Variants in FAM193B observed in about 807,000 individuals in gnomAD.
FAM193B encodes the protein protein FAM193B.
A neutral mutation model predicts 70.7 loss-of-function variants in FAM193B; 27 were observed. That is an observed-to-expected ratio of 0.38 (90% CI 0.28 to 0.53). FAM193B has a LOEUF of 0.53. Among genes scored for constraint, FAM193B ranks in the 20% least tolerant of loss-of-function variants. The pLI is 0.81. For synonymous variants in FAM193B, 448 were observed against 436.0 expected (o/e 1.03, Z -0.34); for missense variants, 1,022 against 1,072.5 (o/e 0.95, Z 0.66).
At chr5:177,521,318 T>C (rs1761699779) in intron 8 of FAM193B, among the ~76,000 whole-genome samples, 1 of 152,216 alleles carries the variant, frequency 6.6e-6, no homozygotes. Context: ...CATCATCTGG[T>C]ACATCATTGT....
chr5:177,544,726 A>G (rs1765213271), intron 1 of FAM193B, among the ~76,000 whole-genome samples: 1 of 152,246 alleles, frequency 6.6e-6, no homozygotes, highest in South Asian at 2.1e-4. Flanking sequence ...AGATGTGCAA[A>G]ATCCAGTGAG....
At position 177,540,182 on chromosome 5, in the gene FAM193B, C is replaced by CTG. The variant is rs1764674066; in HGVS notation, c.211-1037_211-1036dup. Among the ~76,000 whole-genome samples the CTG allele has an allele frequency of 1.3e-5, 2 of 151,924 alleles. 1 individual carries two copies. The highest frequency in any genetic ancestry group is 1.3e-4 in the Admixed American group (2 of 15,254). On this transcript the variant is annotated intron_variant, in intron 1 of 8. Transcript: ENST00000514747. ...ATTAGCTGGGCATGGTGGCAAGCACCTGTAGTCCCAGCTACTCGGGAGGCT... is the reference window on the plus strand; with the variant it reads ...ATTAGCTGGGCATGGTGGCAAGCACCTGTGTAGTCCCAGCTACTCGGGAGGCT...
chr5:177,531,692 G>A, intron 5 of FAM193B: 1 of 659,930 alleles, frequency 1.5e-6, no homozygotes, highest in Non-Finnish European at 2.2e-6. Flanking sequence ...CCAGGCGGCA[G>A]TGGGTGAAGG....
chr5:177,525,125 G>C lies in FAM193B; in HGVS notation c.1356C>G (p.Ala452=). The change falls in exon 6 of 9, where the codon GCC becomes GCG. Residue 452 remains alanine, a synonymous_variant. Transcript: ENST00000514747. ...RVSGSREPRP[A]RERLLEWPDR... is the part of the protein sequence containing the mutation. ...CGGGCCACTCCAAGAGCCTCTCCCT[G>C]GCAGGCCTTGGCTCCCGGCTTCCAG... is the stretch of plus-strand genomic sequence containing the variant. 6.4e-7 allele frequency: 1 copy of C among 1,553,556 alleles called. No homozygotes were observed. Among genetic ancestry groups the C allele is most frequent in the Non-Finnish European group, 8.7e-7 (1 of 1,151,598 alleles).
Position 177,554,506 on chromosome 5 carries a change from G to C in FAM193B, c.-48C>G, listed in dbSNP as rs1766811337. ...CGCTCCACACGCCGCCGCCGCCGCC[G>C]CCGCCGCCGCCGCCGCCGCCGCCGC... On this transcript the variant is annotated 5_prime_UTR_variant, in exon 1 of 9. Transcript: ENST00000514747. 2.3e-6 allele frequency: 2 copies of C among 858,056 alleles called. No individual in the cohort carries two copies. Among genetic ancestry groups the C allele is most frequent in the Non-Finnish European group, 2.8e-6 (2 of 713,450 alleles). The allele number at this position is 858,056 out of a possible 1,614,324, so 53.2% of individuals were successfully genotyped here.
chr5:177,549,482 C>CG (rs1283317649), intron 1 of FAM193B, among the ~76,000 whole-genome samples: 4 of 152,140 alleles, frequency 2.6e-5, no homozygotes, highest in Admixed American at 2.6e-4. Flanking sequence ...CATGAGCCAC[C>CG]GCGCCCAGCC....
intron 1 of FAM193B, among the ~76,000 whole-genome samples, chr5:177,552,304 C>G (rs568188109): frequency 1.3e-5 from 2 of 152,206 alleles, no homozygotes; most frequent in South Asian, 4.1e-4. Flanking sequence ...CTAAACGCTG[C>G]GGAGAAATAC....
rs1762364023 is a variant in FAM193B, at chr5:177,524,952, G to A, written c.1529C>T (p.Pro510Leu). 2 of 1,507,718 alleles carry A rather than the reference G, an allele frequency of 1.3e-6. No individual in the cohort carries two copies. Among genetic ancestry groups the A allele is most frequent in the Non-Finnish European group, 1.8e-6 (2 of 1,129,380 alleles). 93.4% of individuals were successfully genotyped at this position (1,507,718 alleles called of 1,614,324 possible). The change falls in exon 6 of 9, where the codon CCT becomes CTT. Residue 510 changes from proline (P) to leucine (L), a missense_variant. Transcript: ENST00000514747. ...TGAGGGGGGTAGACTCTGAGGCTCA[G>A]GCTCAGCAGCCCCCTCCTTAGAGAA... The part of the protein sequence containing the change: ...NGFSKEGAAE[P>L]EPQSLPPSNL...
chr5:177,522,094 G>A, intron 7 of FAM193B, 23 bp from the exon 8 acceptor site: 1 of 1,588,622 alleles, frequency 6.3e-7, no homozygotes, highest in Non-Finnish European at 8.6e-7. Context: ...GGGGACACAT[G>A]AGAAGCACAA....
rs1763562863 is a variant in FAM193B, at chr5:177,532,150, A to AC, written c.1275+292dup. ...CACTTCTCTGGGATTACACACGTAT[A>AC]CATACTCATCAGAATCATAGCTTTC... On this transcript the variant is annotated intron_variant, in intron 5 of 8. Coordinates refer to ENST00000514747, the MANE Select transcript of FAM193B (RefSeq NM_001190946.3). This position sits in a 1 kb window ranked among gnomAD's most constrained non-coding sequence, Gnocchi z 4.9. 7.1e-7 allele frequency: 1 copy of AC among 1,408,628 alleles called. No individual in the cohort carries two copies. Among genetic ancestry groups the AC allele is most frequent in the Non-Finnish European group, 9.4e-7 (1 of 1,066,724 alleles). The allele number at this position is 1,408,628 out of a possible 1,614,324, so 87.3% of individuals were successfully genotyped here.
In FAM193B at chr5:177,554,288, G is replaced by A. The variant is rs1766753242; in HGVS notation, c.171C>T (p.Pro57=). The change falls in exon 1 of 9, where the codon CCC becomes CCT. Residue 57 remains proline, a synonymous_variant. Coordinates refer to ENST00000514747, the MANE Select transcript of FAM193B (RefSeq NM_001190946.3). ...CCAGGTTGGGTTCGTCATCCTCCCT[G>A]GGGCCGTCGTGGTCGGGCTCCGCCG... ...EAPAEPDHDG[P]REDDEPNLVP... 7.1e-7 allele frequency: 1 copy of A among 1,408,536 alleles called. No individual in the cohort carries two copies. The highest frequency in any genetic ancestry group is 9.3e-7 in the Non-Finnish European group (1 of 1,076,530). 87.3% of individuals were successfully genotyped at this position (1,408,536 alleles called of 1,614,324 possible).
intron 1 of FAM193B, chr5:177,553,685 G>A (rs1201559810): frequency 1.6e-6 from 2 of 1,287,726 alleles, no homozygotes; most frequent in South Asian, 2.5e-5. Context: ...CCACCTCAGT[G>A]CAGAAACCCC....
chr5:177,531,182 C>A (rs1024851280), intron 5 of FAM193B: 2 of 1,168,318 alleles, frequency 1.7e-6, no homozygotes, highest in Admixed American at 3.6e-5. Flanking sequence ...AAGCTGAGGC[C>A]TTTGGCAGCC....
chr5:177,526,466 G>A (rs1350038302), intron 5 of FAM193B, among the ~76,000 whole-genome samples: 2 of 151,984 alleles, frequency 1.3e-5, no homozygotes, highest in African/African-American at 4.8e-5. Context: ...TTGGACCAAC[G>A]AGGACCAAGG....
intron 1 of FAM193B, chr5:177,553,557 T>C (rs1766587943): frequency 8.8e-7 from 1 of 1,138,696 alleles, no homozygotes; most frequent in Non-Finnish European, 1.1e-6. Context: ...AGCTGGAAGC[T>C]TTGGGGAATC....
chr5:177,526,476 G>C (rs967095268), intron 5 of FAM193B, among the ~76,000 whole-genome samples: 1 of 151,920 alleles, frequency 6.6e-6, no homozygotes, highest in Non-Finnish European at 1.5e-5. Context: ...GAGGACCAAG[G>C]GCCCTTCACC....
chr5:177,544,421 A>AT (rs1765184222), intron 1 of FAM193B, among the ~76,000 whole-genome samples: 1 of 152,188 alleles, frequency 6.6e-6, no homozygotes. Context: ...ATGGAACACC[A>AT]TTTTTTAACT....
chr5:177,547,580 G>A (rs1374036645), intron 1 of FAM193B, among the ~76,000 whole-genome samples: 1 of 152,012 alleles, frequency 6.6e-6, no homozygotes, highest in Non-Finnish European at 1.5e-5. Flanking sequence ...CACCGCGCCC[G>A]GCCCCAAATT....
chr5:177,523,956 C>G lies in FAM193B; in HGVS notation c.2372+1G>C, dbSNP rs755980984. On this transcript the variant is annotated splice_donor_variant, in intron 7 of 8. Transcript: ENST00000514747. LOFTEE classifies it high-confidence loss of function. ...TGGGAGAGCAGGCAGCCCACACCTACCTCTTAAAGTACTCCACCTCTCGGT... is the reference window on the plus strand; with the variant it reads ...TGGGAGAGCAGGCAGCCCACACCTAGCTCTTAAAGTACTCCACCTCTCGGT... 1 of 1,614,060 alleles carries G rather than the reference C, an allele frequency of 6.2e-7. No homozygotes were observed. Among genetic ancestry groups the G allele is most frequent in the South Asian group, 1.1e-5 (1 of 91,084 alleles).
Sources: gnomAD v4.1 joint callset for allele counts (sites outside exome capture counted in the v4.1 genomes callset) on GRCh38, gnomAD v4.1.1 for gene constraint, Gnocchi (gnomAD v3.1) non-coding constraint, MANE v1.5 for transcripts, NCBI Gene and HGNC (gene_info 2026-07-23, HGNC 2026-07-21) for gene names.